RALGPS1: variants seen among roughly 807,000 people sequenced by gnomAD.
The protein encoded by RALGPS1 is ras-specific guanine nucleotide-releasing factor RalGPS1.
RALGPS1 carries 19 observed loss-of-function variants against 78.8 expected under a neutral mutation model. That is an observed-to-expected ratio of 0.24 (90% confidence interval 0.17 to 0.35). The LOEUF is 0.35. Ranked by LOEUF, RALGPS1 falls within the 10% of genes least tolerant of loss-of-function variation. RALGPS1 has a pLI of 1.00. For synonymous variants in RALGPS1, 228 were observed against 256.3 expected (o/e 0.89, Z 1.06); for missense variants, 454 against 688.3 (o/e 0.66, Z 3.81).
intron 4 of RALGPS1, among the ~76,000 whole-genome samples, chr9:127,023,558 G>A (rs2045666903): frequency 6.6e-6 from 1 of 152,100 alleles, no homozygotes; most frequent in Non-Finnish European, 1.5e-5. Context: ...TTGGGACAGT[G>A]CCTGGCAGTG....
At chr9:126,947,104 T>C (rs1486931096) in intron 1 of RALGPS1, among the ~76,000 whole-genome samples, 1 of 152,192 alleles carries the variant, frequency 6.6e-6, no homozygotes, top group Non-Finnish European at 1.5e-5. Flanking sequence ...ATTTGTTTCA[T>C]TGCCTCCCCT....
At chr9:127,048,373 C>T (rs1248136706) in intron 5 of RALGPS1, among the ~76,000 whole-genome samples, 1 of 152,216 alleles carries the variant, frequency 6.6e-6, no homozygotes, top group Non-Finnish European at 1.5e-5. Context: ...CATTACCTCT[C>T]TCATACTTTG....
intron 1 of RALGPS1, among the ~76,000 whole-genome samples, chr9:126,942,220 T>C (rs1271737639): frequency 6.6e-6 from 1 of 152,212 alleles, no homozygotes; most frequent in African/African-American, 2.4e-5. Flanking sequence ...TTTTCCTTTA[T>C]AGAAGTTTTA....
At chr9:127,029,104 C>T (rs779542640) in intron 4 of RALGPS1, among the ~76,000 whole-genome samples, 3 of 152,106 alleles carry the variant, frequency 2.0e-5, no homozygotes, top group Non-Finnish European at 4.4e-5. Flanking sequence ...TATATGGTCT[C>T]CTGGGGTGAA....
At chr9:127,042,218 A>G (rs919771122) in intron 5 of RALGPS1, among the ~76,000 whole-genome samples, 2 of 152,068 alleles carry the variant, frequency 1.3e-5, no homozygotes, top group African/African-American at 4.8e-5. Flanking sequence ...TGTCCCAGAT[A>G]TCATAGTCCT....
At chr9:127,001,682 G>A (rs1256304840) in intron 4 of RALGPS1, among the ~76,000 whole-genome samples, 2 of 152,030 alleles carry the variant, frequency 1.3e-5, no homozygotes, top group Non-Finnish European at 2.9e-5. Context: ...TCAGGAGTTC[G>A]AGACCAGCCT....
chr9:127,004,903 GA>G (rs1435753999), intron 4 of RALGPS1, among the ~76,000 whole-genome samples: 2 of 152,130 alleles, frequency 1.3e-5, no homozygotes, highest in Non-Finnish European at 2.9e-5. Context: ...GGAAATTTTT[GA>G]AAACTCAGAT....
chr9:127,001,526 A>G (rs2133596169), intron 4 of RALGPS1, among the ~76,000 whole-genome samples: 1 of 152,292 alleles, frequency 6.6e-6, no homozygotes, highest in South Asian at 2.1e-4. Flanking sequence ...CATTTACAAC[A>G]GTGTATGTCT....
chr9:127,212,752 C>T lies in RALGPS1; in HGVS notation c.1446+33C>T. On this transcript the variant is annotated intron_variant, in intron 16 of 18. Transcript: ENST00000259351. This position sits in a 1 kb window ranked among gnomAD's most constrained non-coding sequence, Gnocchi z 6.0. ...CCTTGAAAGGACTCTAGTGCTGGGA[C>T]TTCCTCTAGTGGGGAAGGGACCTCT... 6.4e-7 allele frequency: 1 copy of T among 1,571,486 alleles called. No homozygotes were observed. The highest frequency in any genetic ancestry group is 8.7e-7 in the Non-Finnish European group (1 of 1,144,520).
At chr9:127,126,389 C>T (rs1258572139) in intron 8 of RALGPS1, among the ~76,000 whole-genome samples, 1 of 152,036 alleles carries the variant, frequency 6.6e-6, no homozygotes, top group East Asian at 1.9e-4. Context: ...GTTTACTGAG[C>T]TTCTTGGACC....
At chr9:127,118,903 A>G (rs1047425304) in intron 8 of RALGPS1, among the ~76,000 whole-genome samples, 1 of 152,154 alleles carries the variant, frequency 6.6e-6, no homozygotes, top group African/African-American at 2.4e-5. Flanking sequence ...CATCTCCCTG[A>G]TGTTTTCTCA....
At chr9:127,149,429 C>T (rs1109043) in intron 8 of RALGPS1, among the ~76,000 whole-genome samples, 1 of 152,098 alleles carries the variant, frequency 6.6e-6, no homozygotes. Flanking sequence ...TAGTGGAGCT[C>T]GGCACCATGA....
At chr9:127,170,316 G>A (rs1454035965) in intron 10 of RALGPS1, among the ~76,000 whole-genome samples, 1 of 152,224 alleles carries the variant, frequency 6.6e-6, no homozygotes, top group Non-Finnish European at 1.5e-5. Flanking sequence ...TAACCATCCA[G>A]ATGTCTGGGG....
At chr9:126,983,978 G>A (rs1010335276) in intron 4 of RALGPS1, among the ~76,000 whole-genome samples, 7 of 152,118 alleles carry the variant, frequency 4.6e-5, no homozygotes, top group Non-Finnish European at 1.0e-4. Context: ...GGTTCAGGTG[G>A]TGACTGTTTT....
At chr9:127,025,869 T>C (rs1421270422) in intron 4 of RALGPS1, among the ~76,000 whole-genome samples, 1 of 151,948 alleles carries the variant, frequency 6.6e-6, no homozygotes, top group Non-Finnish European at 1.5e-5. Context: ...TGTTTTTTGT[T>C]TTTTTTCTAA....
intron 14 of RALGPS1, among the ~76,000 whole-genome samples, chr9:127,203,471 G>A (rs1346248125): frequency 4.6e-5 from 7 of 152,264 alleles, no homozygotes; most frequent in East Asian, 3.9e-4. Context: ...GGGCCTTCTC[G>A]TGTGAGGCAC....
rs953541219 is a variant in RALGPS1, at chr9:127,174,924, C to T, written c.910+142C>T. ...GCTATCCCTGTTCACAGCCCTCCTG[C>T]ACCAGCCTGCCCAGGCTCCTGATCA... is the stretch of plus-strand genomic sequence containing the variant. On this transcript the variant is annotated intron_variant, in intron 11 of 18. Coordinates refer to ENST00000259351, the MANE Select transcript of RALGPS1 (RefSeq NM_014636.3). 13 of 695,668 alleles carry T rather than the reference C, an allele frequency of 1.9e-5. No individual in the cohort carries two copies. In the African/African-American group the frequency reaches 2.3e-4, roughly 12 times the overall value. The allele number at this position is 695,668 out of a possible 1,614,324, so 43.1% of individuals were successfully genotyped here.
At chr9:127,019,682 C>G (rs2045260217) in intron 4 of RALGPS1, among the ~76,000 whole-genome samples, 1 of 152,114 alleles carries the variant, frequency 6.6e-6, no homozygotes, top group African/African-American at 2.4e-5. Flanking sequence ...AAATGTACCA[C>G]AACTTGTCTG....
chr9:127,115,431 T>G (rs1338835131), intron 8 of RALGPS1, among the ~76,000 whole-genome samples: 2 of 152,134 alleles, frequency 1.3e-5, no homozygotes. Flanking sequence ...AGCACCCCCT[T>G]TTCACTCTCA....
Sources: gnomAD v4.1 joint callset for allele counts (sites outside exome capture counted in the v4.1 genomes callset) on GRCh38, gnomAD v4.1.1 for gene constraint, Gnocchi (gnomAD v3.1) non-coding constraint, MANE v1.5 for transcripts, NCBI Gene and HGNC (gene_info 2026-07-23, HGNC 2026-07-21) for gene names.